The following DAPK1 variants were observed in gnomAD, a reference collection of about 807,000 sequenced individuals.
The protein encoded by DAPK1 is death-associated protein kinase 1.
A neutral mutation model predicts 144.9 loss-of-function variants in DAPK1; 56 were observed. That is an observed-to-expected ratio of 0.39 (90% confidence interval 0.31 to 0.48). DAPK1 has a LOEUF of 0.48. Ranked by LOEUF, DAPK1 falls within the 20% of genes least tolerant of loss-of-function variation. DAPK1 has a pLI of 0.95. For synonymous variants in DAPK1, 690 were observed against 749.0 expected (o/e 0.92, Z 1.29); for missense variants, 1,454 against 1,875.4 (o/e 0.78, Z 4.15).
intron 2 of DAPK1, among the ~76,000 whole-genome samples, chr9:87,577,563 CAAG>C (rs1827608843): frequency 6.6e-6 from 1 of 152,136 alleles, no homozygotes; most frequent in Non-Finnish European, 1.5e-5. Flanking sequence ...TTTGGGAGGC[CAAG>C]GATGGTGGAT....
Position 87,601,457 on chromosome 9 carries a change from G to A in DAPK1, c.63-3497G>A, listed in dbSNP as rs545416229. ...GGCAGCAAAAGGAGGAAGGGAGTGA[G>A]GATTTAGCAATAGTTGTATACATCG... On this transcript the variant is annotated intron_variant, in intron 2 of 25. Transcript: ENST00000408954. Among the ~76,000 whole-genome samples the A allele has an allele frequency of 2.0e-5, 3 of 152,270 alleles. No homozygotes were observed. In the East Asian group the frequency reaches 5.8e-4, roughly 29 times the overall value.
chr9:87,534,305 C>G (rs1316553358), intron 2 of DAPK1, among the ~76,000 whole-genome samples: 1 of 147,958 alleles, frequency 6.8e-6, no homozygotes, highest in Non-Finnish European at 1.5e-5. Context: ...TTTGGCTTGA[C>G]AGTTTTGAAA....
intron 2 of DAPK1, among the ~76,000 whole-genome samples, chr9:87,561,281 CT>C (rs1826908016): frequency 6.6e-6 from 1 of 152,068 alleles, no homozygotes; most frequent in South Asian, 2.1e-4. Context: ...AATCCCAGCA[CT>C]TTGGGAGGCC....
chr9:87,673,182 C>G (rs1824238577), intron 19 of DAPK1, among the ~76,000 whole-genome samples: 1 of 152,104 alleles, frequency 6.6e-6, no homozygotes, highest in Non-Finnish European at 1.5e-5. Context: ...CAAAAGAATC[C>G]CTCCACACAT....
At chr9:87,685,333 C>A (rs1234721868) in intron 20 of DAPK1, among the ~76,000 whole-genome samples, 2 of 152,148 alleles carry the variant, frequency 1.3e-5, no homozygotes, top group Non-Finnish European at 2.9e-5. Flanking sequence ...TGTCCAAAGT[C>A]TTAACTCTTT....
Position 87,536,988 on chromosome 9 carries a change from CT to C in DAPK1, c.62+37863del, listed in dbSNP as rs531877877. On this transcript the variant is annotated intron_variant, in intron 2 of 25. Transcript: ENST00000408954. ...GTTGATATTGGAGACATGAAGTTTT[CT>C]TTTTTTTTTTTTTCTTGAGATGGAG... Among the ~76,000 whole-genome samples the C allele has an allele frequency of 1.7e-3, 243 of 142,304 alleles. 1 individual carries two copies. The highest frequency in any genetic ancestry group is 9.6e-3 in the East Asian group (47 of 4,918). The allele number at this position is 142,304 out of a possible 152,430, so 93.4% of individuals were successfully genotyped here.
chr9:87,543,702 C>G (rs1410979198), intron 2 of DAPK1, among the ~76,000 whole-genome samples: 1 of 152,138 alleles, frequency 6.6e-6, no homozygotes, highest in African/African-American at 2.4e-5. Context: ...TTTTAAATAT[C>G]TACATTAAAT....
intron 19 of DAPK1, among the ~76,000 whole-genome samples, chr9:87,676,408 A>G (rs755006322): frequency 3.3e-5 from 5 of 152,112 alleles, no homozygotes; most frequent in Admixed American, 3.3e-4. Context: ...ACCCGTCCCT[A>G]CCCGCCATCT....
intron 3 of DAPK1, among the ~76,000 whole-genome samples, chr9:87,621,932 C>T (rs7033344): frequency 0.33 from 50,403 of 151,700 alleles, 9,550 homozygotes; most frequent in African/African-American, 0.52. Context: ...GCCTCGGCAA[C>T]ATCAGAGCCC....
At chr9:87,579,026 TTAA>T (rs1431232008) in intron 2 of DAPK1, among the ~76,000 whole-genome samples, 5 of 152,226 alleles carry the variant, frequency 3.3e-5, no homozygotes, top group African/African-American at 1.2e-4. Context: ...ATAAAGGCCC[TTAA>T]TAAATGCTCT....
chr9:87,595,121 A>G (rs1379781447), intron 2 of DAPK1, among the ~76,000 whole-genome samples: 1 of 152,236 alleles, frequency 6.6e-6, no homozygotes, highest in Admixed American at 6.5e-5. Flanking sequence ...AGAGGACCAA[A>G]GCACACCTTC....
chr9:87,571,405 C>T (rs62576173), intron 2 of DAPK1, among the ~76,000 whole-genome samples: 39,260 of 140,152 alleles, frequency 0.28, 5,993 homozygotes, highest in East Asian at 0.5. Flanking sequence ...TGTGAAGAGA[C>T]CCAGAGCCTA....
intron 2 of DAPK1, among the ~76,000 whole-genome samples, chr9:87,505,452 G>T (rs942488356): frequency 6.6e-6 from 1 of 152,300 alleles, no homozygotes; most frequent in African/African-American, 2.4e-5. Context: ...CTAGAGTGTA[G>T]TGGCGTGATC....
At position 87,608,207 on chromosome 9, in the gene DAPK1, C is replaced by A. The variant is rs559290682; in HGVS notation, c.284+3032C>A. Among the ~76,000 whole-genome samples the A allele has an allele frequency of 5.3e-5, 8 of 152,336 alleles. No homozygotes were observed. The East Asian group carries it at 1.5e-3, about 29-fold the overall frequency. ...ATGGAGGCACGGAGCCAAACCATAT[C>A]ACTACTGTTTTGTTGTTTTGAAAAT... is the stretch of plus-strand genomic sequence containing the variant. On this transcript the variant is annotated intron_variant, in intron 3 of 25. Coordinates refer to ENST00000408954, the MANE Select transcript of DAPK1 (RefSeq NM_004938.4).
chr9:87,676,314 C>A (rs1314939068), intron 19 of DAPK1, among the ~76,000 whole-genome samples: 1 of 152,258 alleles, frequency 6.6e-6, no homozygotes, highest in Non-Finnish European at 1.5e-5. Flanking sequence ...ACCTTCTAGA[C>A]CTGGCCTGGA....
In DAPK1 at chr9:87,686,394, C is replaced by T. The variant is rs575072960; in HGVS notation, c.2225-157C>T. On this transcript the variant is annotated intron_variant, in intron 20 of 25. Transcript: ENST00000408954. The surrounding 1 kb of genome is among the most constrained non-coding windows in gnomAD (Gnocchi z 4.2). ...CACAGCCTTGCTGGGAACACTGCTGCCCTGCACGTGTGAGGGCAGACACAC... is the reference window on the plus strand; with the variant it reads ...CACAGCCTTGCTGGGAACACTGCTGTCCTGCACGTGTGAGGGCAGACACAC... 7.2e-5 allele frequency among the ~76,000 whole-genome samples: 11 copies of T among 152,286 alleles called. 2 individuals carry two copies. The South Asian group carries it at 2.3e-3, about 32-fold the overall frequency.
At chr9:87,662,164 A>G (rs1368523588) in intron 18 of DAPK1, among the ~76,000 whole-genome samples, 1 of 152,056 alleles carries the variant, frequency 6.6e-6, no homozygotes, top group African/African-American at 2.4e-5. Flanking sequence ...TGGGTTCCCT[A>G]TTCTGTTCTA....
At chr9:87,659,161 C>T (rs1433975566) in intron 18 of DAPK1, among the ~76,000 whole-genome samples, 1 of 152,188 alleles carries the variant, frequency 6.6e-6, no homozygotes, top group Non-Finnish European at 1.5e-5. Flanking sequence ...ATGTCGCCTC[C>T]CCGAATGCAC....
intron 2 of DAPK1, among the ~76,000 whole-genome samples, chr9:87,576,526 A>C (rs757925974): frequency 6.6e-6 from 1 of 152,002 alleles, no homozygotes; most frequent in Admixed American, 6.6e-5. Flanking sequence ...CCTGTTACTG[A>C]TAAATTACTG....
Sources: allele counts gnomAD v4.1 joint callset (sites outside exome capture counted in the v4.1 genomes callset), GRCh38; gene constraint gnomAD v4.1.1; non-coding constraint Gnocchi (gnomAD v3.1); transcripts MANE v1.5; gene names NCBI Gene and HGNC (gene_info 2026-07-23, HGNC 2026-07-21).